Variants in SPART observed in about 807,000 individuals in gnomAD.
The protein encoded by SPART is spastic paraplegia 20 (Troyer syndrome).
Under a neutral mutation model 58.7 loss-of-function variants are expected in SPART, and 35 were observed. The ratio of observed to expected loss-of-function variants is 0.60; its 90% CI spans 0.46 to 0.79. SPART has a LOEUF of 0.79. Among genes scored for constraint, SPART ranks in the 30% least tolerant of loss-of-function variants. SPART has a pLI of 0.00. For synonymous variants in SPART, 284 were observed against 280.7 expected (o/e 1.01, Z -0.12); for missense variants, 730 against 786.1 (o/e 0.93, Z 0.85).
intron 1 of SPART, among the ~76,000 whole-genome samples, chr13:36,344,558 A>G (rs765617845): frequency 3.9e-5 from 6 of 152,216 alleles, no homozygotes; most frequent in Non-Finnish European, 7.3e-5. Flanking sequence ...ATCTCAACAC[A>G]GAAAGAAAAA....
chr13:36,345,228 G>A (rs1306507438), intron 1 of SPART, among the ~76,000 whole-genome samples: 1 of 152,176 alleles, frequency 6.6e-6, no homozygotes, highest in African/African-American at 2.4e-5. Context: ...GCTTCTTAGG[G>A]AAACCATAGA....
At chr13:36,309,707 T>C (rs969086746) in intron 8 of SPART, among the ~76,000 whole-genome samples, 3 of 152,002 alleles carry the variant, frequency 2.0e-5, no homozygotes, top group Non-Finnish European at 2.9e-5. Flanking sequence ...ATGACAACAA[T>C]AGACACTGGG....
chr13:36,334,169 G>A (rs1031779679), intron 2 of SPART, among the ~76,000 whole-genome samples: 1 of 152,106 alleles, frequency 6.6e-6, no homozygotes, highest in African/African-American at 2.4e-5. Flanking sequence ...CGTATACTGA[G>A]TCCTCATTTC....
intron 4 of SPART, among the ~76,000 whole-genome samples, chr13:36,328,863 C>T (rs1488556467): frequency 6.6e-6 from 1 of 152,036 alleles, no homozygotes; most frequent in South Asian, 2.1e-4. Context: ...TATCTAGCCC[C>T]CAAGCTCTTA....
chr13:36,344,098 T>C (rs774376622), intron 1 of SPART, among the ~76,000 whole-genome samples: 3 of 151,872 alleles, frequency 2.0e-5, no homozygotes, highest in Non-Finnish European at 4.4e-5. Flanking sequence ...TGAGATGTGT[T>C]TGATTCCAAA....
chr13:36,348,531 A>ATAGTATTT (rs1885283583), upstream of SPART, among the ~76,000 whole-genome samples: 3 of 152,224 alleles, frequency 2.0e-5, no homozygotes, highest in African/African-American at 7.2e-5. Context: ...CAACAGGTCA[A>ATAGTATTT]CATACAGAAA....
At chr13:36,313,657 TTG>T (rs1227696836) in intron 6 of SPART, among the ~76,000 whole-genome samples, 1 of 152,204 alleles carries the variant, frequency 6.6e-6, no homozygotes, top group Non-Finnish European at 1.5e-5. Flanking sequence ...ATACTTACCA[TTG>T]TGTTACAATT....
chr13:36,335,730 T>C lies in SPART; in HGVS notation c.101A>G (p.Asp34Gly), dbSNP rs774604649. 1 of 1,614,020 alleles carries C rather than the reference T, an allele frequency of 6.2e-7. No individual in the cohort carries two copies. The highest frequency in any genetic ancestry group is 1.1e-5 in the South Asian group (1 of 91,084). Residue 34 changes from aspartate (D) to glycine (G), a missense_variant, in exon 2 of 9, where the codon GAT becomes GGT. Coordinates refer to ENST00000438666, the MANE Select transcript of SPART (RefSeq NM_015087.5). ...FLFVNKGLNT[D>G]ELGQKEEAKN... is the part of the protein sequence containing the mutation. ...TGCTTCTTCCTTCTGACCTAATTCA[T>C]CTGTATTCAGACCTTTGTTAACAAA... is the stretch of plus-strand genomic sequence containing the variant.
chr13:36,365,437 A>G (rs1886017537), intron 1 of SPART: 1 of 343,300 alleles, frequency 2.9e-6, no homozygotes, highest in Non-Finnish European at 5.7e-6. Flanking sequence ...TTTCATTTTT[A>G]TTAATCTTCC....
chr13:36,341,712 A>T (rs1884606251), intron 1 of SPART, among the ~76,000 whole-genome samples: 1 of 152,246 alleles, frequency 6.6e-6, no homozygotes, highest in African/African-American at 2.4e-5. Flanking sequence ...GATTAATAAT[A>T]TAACTATACT....
intron 5 of SPART, among the ~76,000 whole-genome samples, chr13:36,324,555 T>C (rs769004159): frequency 6.6e-6 from 1 of 152,236 alleles, no homozygotes; most frequent in Non-Finnish European, 1.5e-5. Flanking sequence ...CCACTCCTGC[T>C]GTGACCTTTC....
At chr13:36,351,180 G>A (rs1343021718), upstream of SPART, among the ~76,000 whole-genome samples, 1 of 151,994 alleles carries the variant, frequency 6.6e-6, no homozygotes, top group East Asian at 1.9e-4. Context: ...ATTTAAAGTT[G>A]GCACTCAAGC....
intron 6 of SPART, 126 bp downstream of exon 6, chr13:36,314,101 A>G (rs1167603985): frequency 3.1e-6 from 3 of 967,094 alleles, no homozygotes; most frequent in Non-Finnish European, 4.6e-6. Context: ...AACAAAGAGA[A>G]ACTGCTTTGT....
chr13:36,345,185 T>C (rs934661027), intron 1 of SPART, among the ~76,000 whole-genome samples: 1 of 152,176 alleles, frequency 6.6e-6, no homozygotes, highest in African/African-American at 2.4e-5. Flanking sequence ...AACACCTGTA[T>C]ACACCTCCCT....
At chr13:36,322,327 G>C (rs1280540351) in intron 5 of SPART, among the ~76,000 whole-genome samples, 2 of 152,144 alleles carry the variant, frequency 1.3e-5, no homozygotes, top group African/African-American at 4.8e-5. Context: ...TGCACCTGTA[G>C]TCCCAGCTAC....
At chr13:36,333,932 G>T (rs577156394) in intron 2 of SPART, among the ~76,000 whole-genome samples, 1 of 151,980 alleles carries the variant, frequency 6.6e-6, no homozygotes, top group Non-Finnish European at 1.5e-5. Context: ...TGCCCTCAAA[G>T]TATCTCCCTC....
intron 1 of SPART, among the ~76,000 whole-genome samples, chr13:36,358,927 TAATA>T (rs1885728049): frequency 6.6e-6 from 1 of 152,180 alleles, no homozygotes; most frequent in Non-Finnish European, 1.5e-5. Flanking sequence ...GGGATAAGAC[TAATA>T]AATATTGTTT....
Position 36,326,579 on chromosome 13 carries a change from C to A in SPART, c.1284G>T (p.Leu428Phe). 1.2e-6 allele frequency: 2 copies of A among 1,613,348 alleles called. No homozygotes were observed. The highest frequency in any genetic ancestry group is 1.7e-6 in the Non-Finnish European group (2 of 1,179,842). The change falls in exon 5 of 9, where the codon TTG becomes TTT. Residue 428 changes from leucine (L) to phenylalanine (F), a missense_variant. Leu to Phe is a conservative substitution (Grantham distance 22, BLOSUM62 0). Transcript: ENST00000438666. ...AAATTAACATTACTGTAATACCTGACAAAATGTTGTGAGCCACTTTTTCAC... is the reference window on the plus strand; with the variant it reads ...AAATTAACATTACTGTAATACCTGAAAAAATGTTGTGAGCCACTTTTTCAC... ...EWSEKVAHNILSGASWVSWGL... is the reference protein window; with the variant it reads ...EWSEKVAHNIFSGASWVSWGL...
In SPART at chr13:36,326,604, C is replaced by T; in HGVS notation, c.1259G>A (p.Ser420Asn). Reference sequence around the variant, plus strand: ...CAAAATGTTGTGAGCCACTTTTTCACTCCATTCAGGTAATTCTTTTGGCTT... The same window carrying T: ...CAAAATGTTGTGAGCCACTTTTTCATTCCATTCAGGTAATTCTTTTGGCTT... ...EEKPKELPEW[S>N]EKVAHNILSG... The change falls in exon 5 of 9, where the codon AGT (serine) becomes AAT (asparagine). Residue 420 changes from serine to asparagine, a missense_variant. Coordinates refer to ENST00000438666, the MANE Select transcript of SPART (RefSeq NM_015087.5). 1 of 1,613,562 alleles carries T rather than the reference C, an allele frequency of 6.2e-7. No homozygotes were observed. Among genetic ancestry groups the T allele is most frequent in the African/African-American group, 1.3e-5 (1 of 75,002 alleles).
Sources: gnomAD v4.1 joint callset for allele counts (sites outside exome capture counted in the v4.1 genomes callset) on GRCh38, gnomAD v4.1.1 for gene constraint, MANE v1.5 for transcripts, NCBI Gene and HGNC (gene_info 2026-07-23, HGNC 2026-07-21) for gene names.